The following FAM135B variants were observed in gnomAD, a reference collection of about 807,000 sequenced individuals.
FAM135B encodes the protein family with sequence similarity 135 member B, also known as protein FAM135B.
Under a neutral mutation model 127.7 loss-of-function variants are expected in FAM135B, and 43 were observed. The observed-to-expected ratio is 0.34, with a 90% confidence interval of 0.26 to 0.43. FAM135B has a LOEUF of 0.43. FAM135B is among the 20% of genes least tolerant of loss of function. The pLI is 1.00. For missense variants in FAM135B, 1,558 were observed against 1,725.6 expected, an observed-to-expected ratio of 0.90 and a Z score of 1.72; for synonymous variants, 670 against 665.1, an observed-to-expected ratio of 1.01 and a Z score of -0.11.
At chr8:138,438,193 G>C (rs1835562658) in intron 1 of FAM135B, 1 of 152,088 alleles carries the variant, frequency 6.6e-6, no homozygotes, top group Admixed American at 6.6e-5. Flanking sequence ...TATTATAACA[G>C]CTTTTTTTAA....
chr8:138,423,163 G>T (rs974443210), intron 1 of FAM135B, among the ~76,000 whole-genome samples: 1 of 152,122 alleles, frequency 6.6e-6, no homozygotes, highest in African/African-American at 2.4e-5. Flanking sequence ...TACCTTTTGA[G>T]TACTATGCTC....
At chr8:138,368,326 C>G (rs974519494) in intron 1 of FAM135B, among the ~76,000 whole-genome samples, 3 of 152,090 alleles carry the variant, frequency 2.0e-5, no homozygotes, top group African/African-American at 7.2e-5. Context: ...CCTTCATGGC[C>G]AAAGGCACAA....
intron 12 of FAM135B, among the ~76,000 whole-genome samples, chr8:138,163,538 G>A (rs561735510): frequency 2.5e-4 from 38 of 152,196 alleles, no homozygotes; most frequent in Non-Finnish European, 4.3e-4. Flanking sequence ...ATCTGTTCTC[G>A]TGCTCGTGAA....
chr8:138,158,976 T>C (rs1014364005), intron 12 of FAM135B, among the ~76,000 whole-genome samples: 14 of 152,088 alleles, frequency 9.2e-5, no homozygotes, highest in Admixed American at 1.3e-4. Flanking sequence ...CATGCTGCTA[T>C]AAAGACACAT....
At chr8:138,378,161 C>T (rs1012896760) in intron 1 of FAM135B, among the ~76,000 whole-genome samples, 2 of 152,284 alleles carry the variant, frequency 1.3e-5, no homozygotes, top group Admixed American at 6.5e-5. Flanking sequence ...TCTGAGCCAT[C>T]GACCTGGGCC....
intron 3 of FAM135B, among the ~76,000 whole-genome samples, chr8:138,307,878 G>A (rs1424494552): frequency 6.6e-6 from 1 of 152,044 alleles, no homozygotes; most frequent in African/African-American, 2.4e-5. Context: ...CTTCCAATAT[G>A]CTATATTTTT....
intron 3 of FAM135B, among the ~76,000 whole-genome samples, chr8:138,275,157 T>A (rs1823721830): frequency 6.6e-6 from 1 of 151,736 alleles, no homozygotes; most frequent in Non-Finnish European, 1.5e-5. Context: ...AACTAATAAA[T>A]GTCCATGAAA....
At chr8:138,442,862 T>A (rs1380227013) in intron 1 of FAM135B, among the ~76,000 whole-genome samples, 1 of 151,834 alleles carries the variant, frequency 6.6e-6, no homozygotes, top group Non-Finnish European at 1.5e-5. Context: ...AGCAATGGAG[T>A]TTGGGAAATG....
At chr8:138,264,208 C>T (rs1822745109) in intron 4 of FAM135B, among the ~76,000 whole-genome samples, 1 of 152,184 alleles carries the variant, frequency 6.6e-6, no homozygotes, top group South Asian at 2.1e-4. Flanking sequence ...CTGAATCTTC[C>T]TCCGCAGTTG....
intron 15 of FAM135B, among the ~76,000 whole-genome samples, chr8:138,143,884 C>T (rs368842693): frequency 3.2e-4 from 48 of 152,104 alleles, no homozygotes; most frequent in Non-Finnish European, 4.7e-4. Context: ...GAAAGGAGTA[C>T]GTGTTGGAGG....
intron 2 of FAM135B, among the ~76,000 whole-genome samples, chr8:138,356,506 C>T (rs1512390): frequency 0.99 from 151,324 of 152,298 alleles, 75,186 homozygotes; most frequent in East Asian, 1. Context: ...CACAGAATTT[C>T]AAAATTTTTC....
intron 1 of FAM135B, among the ~76,000 whole-genome samples, chr8:138,479,164 T>G (rs1814657586): frequency 6.6e-6 from 1 of 152,152 alleles, no homozygotes; most frequent in Non-Finnish European, 1.5e-5. Context: ...TTCCATGCCC[T>G]CTCCAGGCAG....
intron 7 of FAM135B, among the ~76,000 whole-genome samples, chr8:138,230,484 T>C (rs535410905): frequency 1.4e-4 from 21 of 152,334 alleles, no homozygotes; most frequent in African/African-American, 4.3e-4. Flanking sequence ...GCCTCACTCA[T>C]AGCAGCCATG....
chr8:138,269,687 C>T (rs1823222543), intron 3 of FAM135B, among the ~76,000 whole-genome samples: 1 of 152,212 alleles, frequency 6.6e-6, no homozygotes, highest in South Asian at 2.1e-4. Context: ...GACTTGTCCC[C>T]ACTTTCCAGC....
chr8:138,348,037 T>C (rs2131098828), intron 2 of FAM135B, among the ~76,000 whole-genome samples: 1 of 151,816 alleles, frequency 6.6e-6, no homozygotes. Context: ...GTGGTTCAAA[T>C]ATGTACAATG....
intron 1 of FAM135B, among the ~76,000 whole-genome samples, chr8:138,460,046 G>A (rs1837036446): frequency 6.6e-6 from 1 of 152,174 alleles, no homozygotes; most frequent in Admixed American, 6.5e-5. Flanking sequence ...CGGCCCATAG[G>A]AAGCATCCTG....
At chr8:138,216,896 A>G (rs1818589755) in intron 7 of FAM135B, among the ~76,000 whole-genome samples, 1 of 152,180 alleles carries the variant, frequency 6.6e-6, no homozygotes, top group African/African-American at 2.4e-5. Context: ...AGGACACATA[A>G]TAAGTAGGCT....
In FAM135B at chr8:138,141,429, G is replaced by A. The variant is rs1817137641; in HGVS notation, c.3639-80C>T. On this transcript the variant is annotated intron_variant, in intron 16 of 19. Transcript: ENST00000395297. This position sits in a 1 kb window ranked among gnomAD's most constrained non-coding sequence, Gnocchi z 4.7. ...AGAGTGCAGTGCTGGAAGCATCAGG[G>A]GCCATTGTTCTCCACCTCCCACTGA... The A allele has an allele frequency of 7.0e-7, 1 of 1,435,180 alleles. No homozygotes were observed. Among genetic ancestry groups the A allele is most frequent in the Non-Finnish European group, 9.7e-7 (1 of 1,029,460 alleles). The allele number at this position is 1,435,180 out of a possible 1,614,324, so 88.9% of individuals were successfully genotyped here.
At chr8:138,362,619 A>C (rs1563936245) in intron 2 of FAM135B, among the ~76,000 whole-genome samples, 1 of 152,180 alleles carries the variant, frequency 6.6e-6, no homozygotes, top group Non-Finnish European at 1.5e-5. Flanking sequence ...TGGTTTCTTC[A>C]TGCCACAGAA....
Sources: allele counts gnomAD v4.1 joint callset (sites outside exome capture counted in the v4.1 genomes callset), GRCh38; gene constraint gnomAD v4.1.1; non-coding constraint Gnocchi (gnomAD v3.1); transcripts MANE v1.5; gene names NCBI Gene and HGNC (gene_info 2026-07-23, HGNC 2026-07-21).